The following OXSR1 variants were observed in gnomAD, a reference collection of about 807,000 sequenced individuals.
OXSR1 encodes the protein serine/threonine-protein kinase OSR1.
Under a neutral mutation model 79.8 loss-of-function variants are expected in OXSR1, and 24 were observed. The observed-to-expected ratio is 0.30, with a 90% confidence interval of 0.22 to 0.42. The LOEUF (loss-of-function observed/expected upper bound fraction) is 0.42, where lower values mean the gene tolerates loss of function less well. Ranked by LOEUF, OXSR1 falls within the 10% of genes least tolerant of loss-of-function variation. OXSR1 has a pLI of 1.00. For missense variants in OXSR1, 430 were observed against 618.4 expected (o/e 0.70, Z 3.23); for synonymous variants, 226 against 209.2 (o/e 1.08, Z -0.69).
intron 8 of OXSR1, 92 bp downstream of exon 8, chr3:38,224,796 C>A: frequency 1.2e-6 from 1 of 857,290 alleles, no homozygotes; most frequent in South Asian, 1.9e-5. Flanking sequence ...AAATTATTTT[C>A]AAAAGAACTA....
intron 2 of OXSR1, among the ~76,000 whole-genome samples, chr3:38,189,052 A>G (rs562980253): frequency 3.7e-4 from 57 of 152,240 alleles, no homozygotes; most frequent in African/African-American, 1.3e-3. Flanking sequence ...AGACAGATTT[A>G]CTCATTGGAT....
intron 15 of OXSR1, chr3:38,250,232 A>G (rs1375090005): frequency 2.0e-6 from 1 of 510,342 alleles, no homozygotes; most frequent in Non-Finnish European, 3.5e-6. Context: ...AGTAATAAAT[A>G]TATGATAGCT....
At position 38,191,428 on chromosome 3, in the gene OXSR1, T is replaced by C. The variant is rs34274646; in HGVS notation, c.292+589T>C. Among the ~76,000 whole-genome samples the C allele has an allele frequency of 6.5e-3, 995 of 152,234 alleles. 10 individuals carry two copies. The highest frequency in any genetic ancestry group is 0.023 in the African/African-American group (958 of 41,518). On this transcript the variant is annotated intron_variant, in intron 3 of 17. Transcript: ENST00000311806. The stretch of plus-strand genomic sequence containing the variant: ...CCTCCCTTCCATGATGTAAACTTAC[T>C]GAAGAGTCTAGTCCAGTTATCTTGT...
At chr3:38,210,100 T>C (rs1252014919) in intron 4 of OXSR1, among the ~76,000 whole-genome samples, 2 of 152,114 alleles carry the variant, frequency 1.3e-5, no homozygotes, top group Non-Finnish European at 1.5e-5. Context: ...TCCACTCTGC[T>C]TGATTGCATG....
chr3:38,209,280 A>G (rs1702336567), intron 4 of OXSR1, among the ~76,000 whole-genome samples: 1 of 151,804 alleles, frequency 6.6e-6, no homozygotes, highest in African/African-American at 2.4e-5. Flanking sequence ...GTGCAACAGC[A>G]TGAACACGGC....
intron 1 of OXSR1, among the ~76,000 whole-genome samples, chr3:38,166,705 C>T (rs1380791226): frequency 6.6e-6 from 1 of 150,828 alleles, no homozygotes; most frequent in African/African-American, 2.4e-5. Context: ...GCAGAAGAAT[C>T]CTTGAACCCG....
rs143855216 is a variant in OXSR1, at chr3:38,174,314, T to C, written c.70+8368T>C. 2.8e-3 allele frequency among the ~76,000 whole-genome samples: 419 copies of C among 152,024 alleles called. 1 individual carries two copies. Among genetic ancestry groups the C allele is most frequent in the African/African-American group, 9.6e-3 (399 of 41,474 alleles). ...AACTCAGGCTGCAGGCTGGGCGAGG[T>C]GCCTCACCTGTAATCCCAGCACTTT... On this transcript the variant is annotated intron_variant, in intron 1 of 17. Transcript: ENST00000311806.
At chr3:38,164,814 G>A (rs1251021652), upstream of OXSR1, among the ~76,000 whole-genome samples, 1 of 152,176 alleles carries the variant, frequency 6.6e-6, no homozygotes, top group Admixed American at 6.5e-5. Flanking sequence ...AGTGCAGGGT[G>A]GACCCGCGAG....
At chr3:38,223,667 C>T (rs1702633452) in intron 6 of OXSR1, 145 bp from the exon 7 acceptor site, 1 of 490,724 alleles carries the variant, frequency 2.0e-6, no homozygotes, top group Non-Finnish European at 3.6e-6. Flanking sequence ...TCAGGCCGGT[C>T]TTGAACTCCC....
chr3:38,246,936 A>T (rs1257299703), intron 13 of OXSR1, among the ~76,000 whole-genome samples: 2 of 152,038 alleles, frequency 1.3e-5, no homozygotes, highest in East Asian at 3.9e-4. Context: ...GTTTTAGATG[A>T]AAAGAAATAT....
chr3:38,173,949 C>T (rs1009484474), intron 1 of OXSR1, among the ~76,000 whole-genome samples: 6 of 152,078 alleles, frequency 3.9e-5, no homozygotes, highest in African/African-American at 1.4e-4. Context: ...GAGAAGATGA[C>T]AGTTGAGGAA....
chr3:38,179,531 C>T (rs1269610280), intron 1 of OXSR1, among the ~76,000 whole-genome samples: 2 of 152,154 alleles, frequency 1.3e-5, no homozygotes, highest in Non-Finnish European at 2.9e-5. Flanking sequence ...GTGTACAATT[C>T]AGCATACTTA....
intron 4 of OXSR1, among the ~76,000 whole-genome samples, chr3:38,201,515 C>A (rs992838044): frequency 1.3e-5 from 2 of 151,992 alleles, no homozygotes; most frequent in African/African-American, 4.8e-5. Context: ...TTGAGACCAT[C>A]CTGGCTAACA....
chr3:38,187,803 C>G (rs994798557), intron 2 of OXSR1, among the ~76,000 whole-genome samples: 1 of 151,948 alleles, frequency 6.6e-6, no homozygotes, highest in Non-Finnish European at 1.5e-5. Context: ...CCAGGCTGGT[C>G]TCAAACTCCT....
At chr3:38,186,411 A>G (rs1022714743) in intron 2 of OXSR1, among the ~76,000 whole-genome samples, 3 of 152,324 alleles carry the variant, frequency 2.0e-5, no homozygotes, top group East Asian at 1.9e-4. Context: ...AAGTTGTGCA[A>G]CCATCACCAC....
intron 12 of OXSR1, among the ~76,000 whole-genome samples, chr3:38,245,200 A>G (rs144083270): frequency 6.6e-6 from 1 of 152,146 alleles, no homozygotes; most frequent in African/African-American, 2.4e-5. Flanking sequence ...AGCCTGTACT[A>G]TTACTCTTTG....
At chr3:38,209,461 C>A (rs1359137172) in intron 4 of OXSR1, among the ~76,000 whole-genome samples, 2 of 151,776 alleles carry the variant, frequency 1.3e-5, no homozygotes, top group African/African-American at 2.4e-5. Flanking sequence ...CCAGGTAATT[C>A]TAATGTTGCC....
At chr3:38,247,349 C>T (rs1176341885) in intron 13 of OXSR1, among the ~76,000 whole-genome samples, 3 of 152,016 alleles carry the variant, frequency 2.0e-5, no homozygotes, top group African/African-American at 7.2e-5. Flanking sequence ...AATGAGAAAC[C>T]TAGCTTTGTG....
chr3:38,253,235 G>A lies in OXSR1; in HGVS notation c.*344G>A, dbSNP rs2125857839. 1 of 262,186 alleles carries A rather than the reference G, an allele frequency of 3.8e-6. No individual in the cohort carries two copies. The highest frequency in any genetic ancestry group is 7.3e-6 in the Non-Finnish European group (1 of 136,498). The allele number at this position is 262,186 out of a possible 1,614,324, so 16.2% of individuals were successfully genotyped here. A position where few individuals can be genotyped will look rare whatever the true frequency, so the allele number is the denominator to read the frequency against. On this transcript the variant is annotated 3_prime_UTR_variant, in exon 18 of 18. Transcript: ENST00000311806. The stretch of plus-strand genomic sequence containing the variant: ...CAATGATGGCCCAGGTGGAAAAGTA[G>A]CAGCTGTATCGGGCTTCCTCATCCT...
Sources: allele counts gnomAD v4.1 joint callset (sites outside exome capture counted in the v4.1 genomes callset), GRCh38; gene constraint gnomAD v4.1.1; transcripts MANE v1.5; gene names NCBI Gene and HGNC (gene_info 2026-07-23, HGNC 2026-07-21).